The following ENTREP2 variants were observed in gnomAD, a reference collection of about 807,000 sequenced individuals.
The protein encoded by ENTREP2 is endosomal transmembrane epsin interactor 2, also known as protein ENTREP2.
At chr15:29,629,803 T>G in the ENTREP2 span, among the ~76,000 whole-genome samples, 1 of 152,184 alleles carries the variant, frequency 6.6e-6, no homozygotes, top group African/African-American at 2.4e-5. Flanking sequence ...ACTTGCATTT[T>G]GTTTCTTTAG....
At chr15:29,328,769 G>A in the ENTREP2 span, among the ~76,000 whole-genome samples, 34 of 152,246 alleles carry the variant, frequency 2.2e-4, no homozygotes, top group African/African-American at 7.0e-4. Context: ...ACTGATCCAC[G>A]CTGTAAAGGA....
chr15:29,370,097 G>C, the ENTREP2 span, among the ~76,000 whole-genome samples: 1 of 152,086 alleles, frequency 6.6e-6, no homozygotes, highest in Non-Finnish European at 1.5e-5. Flanking sequence ...ACAACAAAAG[G>C]TAAGACATAC....
the ENTREP2 span, among the ~76,000 whole-genome samples, chr15:29,305,540 A>C: frequency 1.3e-5 from 2 of 152,206 alleles, no homozygotes; most frequent in Non-Finnish European, 2.9e-5. Context: ...CTACGAAGGC[A>C]GAGCTAACAG....
chr15:29,201,521 T>C, the ENTREP2 span, among the ~76,000 whole-genome samples: 1 of 152,218 alleles, frequency 6.6e-6, no homozygotes. Context: ...TCTCCAACAA[T>C]TGATACAGCC....
the ENTREP2 span, among the ~76,000 whole-genome samples, chr15:29,429,551 C>T: frequency 6.6e-6 from 1 of 152,188 alleles, no homozygotes; most frequent in South Asian, 2.1e-4. Flanking sequence ...GGGACTCCCA[C>T]GTTGGAGCTG....
At chr15:29,591,832 GAGAAGAAGAAGAAGAAGAAGAAGA>G in the ENTREP2 span, among the ~76,000 whole-genome samples, 9,984 of 140,132 alleles carry the variant, frequency 0.071, 456 homozygotes, top group Middle Eastern at 0.1. Context: ...CATCTCAAAA[GAGAAGAAGAAGAAGAAGAAGAAGA>G]AGAAGAAGAA....
the ENTREP2 span, among the ~76,000 whole-genome samples, chr15:29,343,035 G>GGGA: frequency 2.0e-5 from 3 of 146,490 alleles, no homozygotes; most frequent in African/African-American, 7.4e-5. Flanking sequence ...AATGGGGGGG[G>GGGA]TGGTTCTTCG....
At chr15:29,135,704 C>T in the ENTREP2 span, among the ~76,000 whole-genome samples, 1 of 152,214 alleles carries the variant, frequency 6.6e-6, no homozygotes, top group Non-Finnish European at 1.5e-5. This position sits in a 1 kb window ranked among gnomAD's most constrained non-coding sequence, Gnocchi z 7.4. Context: ...AACATACTGC[C>T]TGTCACGTGT....
chr15:29,130,707 T>A, the ENTREP2 span, among the ~76,000 whole-genome samples: 3 of 152,304 alleles, frequency 2.0e-5, no homozygotes, highest in African/African-American at 7.2e-5. Flanking sequence ...GGAGCCTATC[T>A]ATCACCTCTC....
At chr15:29,349,105 A>AC in the ENTREP2 span, among the ~76,000 whole-genome samples, 1 of 151,828 alleles carries the variant, frequency 6.6e-6, no homozygotes. Flanking sequence ...TTCTTTCCAG[A>AC]CCCCCCGAAA....
At chr15:29,463,131 A>G in the ENTREP2 span, among the ~76,000 whole-genome samples, 15 of 152,242 alleles carry the variant, frequency 9.9e-5, no homozygotes, top group African/African-American at 3.6e-4. Context: ...GACGAGGCTC[A>G]GGCTGATTCC....
At chr15:29,149,837 CG>C in the ENTREP2 span, among the ~76,000 whole-genome samples, 6 of 152,196 alleles carry the variant, frequency 3.9e-5, no homozygotes, top group Non-Finnish European at 8.8e-5. Flanking sequence ...TGGGCTCCCG[CG>C]GTACCCGTCA....
chr15:29,557,360 G>A, the ENTREP2 span, among the ~76,000 whole-genome samples: 1 of 152,288 alleles, frequency 6.6e-6, no homozygotes, highest in Non-Finnish European at 1.5e-5. Context: ...AGCCCAAAGC[G>A]CAGATGCCAG....
chr15:29,337,035 A>T, the ENTREP2 span, among the ~76,000 whole-genome samples: 2 of 152,142 alleles, frequency 1.3e-5, no homozygotes, highest in Non-Finnish European at 2.9e-5. Flanking sequence ...CAGGCTGTTC[A>T]TTTGTTTGAT....
chr15:29,352,408 T>G, the ENTREP2 span, among the ~76,000 whole-genome samples: 1 of 152,226 alleles, frequency 6.6e-6, no homozygotes, highest in African/African-American at 2.4e-5. Flanking sequence ...GAGTCTTAGT[T>G]TTAACTTCAA....
chr15:29,668,167 C>T, the ENTREP2 span, among the ~76,000 whole-genome samples: 1 of 152,212 alleles, frequency 6.6e-6, no homozygotes, highest in Non-Finnish European at 1.5e-5. Flanking sequence ...CTGCCCTTCA[C>T]TCTAGCAACA....
the ENTREP2 span, among the ~76,000 whole-genome samples, chr15:29,323,467 T>A: frequency 6.6e-6 from 1 of 152,076 alleles, no homozygotes; most frequent in Non-Finnish European, 1.5e-5. Context: ...ACCCTATACA[T>A]CTCCTCATCG....
At chr15:29,582,337 A>G in the ENTREP2 span, among the ~76,000 whole-genome samples, 1 of 152,358 alleles carries the variant, frequency 6.6e-6, no homozygotes, top group South Asian at 2.1e-4. Context: ...ACGGACTTAC[A>G]TGTAAAACAG....
chr15:29,664,111 G>T, the ENTREP2 span, among the ~76,000 whole-genome samples: 3 of 151,874 alleles, frequency 2.0e-5, no homozygotes, highest in African/African-American at 7.3e-5. Flanking sequence ...ACAATCTGAT[G>T]CATTCTTAAA....
Sources: gnomAD v4.1 joint callset for allele counts (sites outside exome capture counted in the v4.1 genomes callset) on GRCh38, gnomAD v4.1.1 for gene constraint, Gnocchi (gnomAD v3.1) non-coding constraint, MANE v1.5 for transcripts, NCBI Gene and HGNC (gene_info 2026-07-23, HGNC 2026-07-21) for gene names.